Variants in PRX observed in about 807,000 individuals in gnomAD.
The protein encoded by PRX is periaxin.
A neutral mutation model predicts 29.6 loss-of-function variants in PRX; 24 were observed. That is an observed-to-expected ratio of 0.81 (90% CI 0.59 to 1.14). The LOEUF is 1.14. Ranked by LOEUF, PRX falls within the 50% of genes most tolerant of loss-of-function variation. The pLI, the probability that PRX is intolerant of heterozygous loss-of-function variation, is 0.00. For synonymous variants in PRX, 772 were observed against 831.7 expected, an observed-to-expected ratio of 0.93 and a Z score of 1.24; for missense variants, 1,838 against 1,926.4, an observed-to-expected ratio of 0.95 and a Z score of 0.86.
In PRX at chr19:40,395,827, T is replaced by G. The variant is rs1291052355; in HGVS notation, c.2525A>C (p.Asp842Ala). ...GGGGACACCCACATGAGCCTCACCA[T>G]CCACCTCTGGCTGCAGACAGGGAAG... Reference protein sequence around the residue: ...VTLPCLQPEVDGEAHVGVPSL... With the variant: ...VTLPCLQPEVAGEAHVGVPSL... The change falls in exon 7 of 7, where the codon GAT (aspartate) becomes GCT (alanine). Residue 842 changes from aspartate (D) to alanine (A), a missense_variant. By Grantham distance (126) the Asp-to-Ala change is moderately radical. Transcript: ENST00000324001. 2 of 1,614,154 alleles carry G rather than the reference T, an allele frequency of 1.2e-6. No homozygotes were observed. Among genetic ancestry groups the G allele is most frequent in the Non-Finnish European group, 1.7e-6 (2 of 1,180,038 alleles).
At chr19:40,405,575 C>A (rs1035584461) in intron 4 of PRX, among the ~76,000 whole-genome samples, 1 of 150,704 alleles carries the variant, frequency 6.6e-6, no homozygotes, top group Non-Finnish European at 1.5e-5. Context: ...ACCACCAGTA[C>A]CGCCCTTTGG....
chr19:40,409,172 A>G (rs1421855511), intron 1 of PRX, among the ~76,000 whole-genome samples: 1 of 151,754 alleles, frequency 6.6e-6, no homozygotes, highest in Admixed American at 6.6e-5. Flanking sequence ...AATTTTTTAA[A>G]TTAATTTGTA....
upstream of PRX, among the ~76,000 whole-genome samples, chr19:40,413,654 C>T (rs1484101298): frequency 6.6e-6 from 1 of 152,186 alleles, no homozygotes; most frequent in Non-Finnish European, 1.5e-5. Flanking sequence ...GACCCCACCC[C>T]AGCCCCACTG....
intron 5 of PRX, among the ~76,000 whole-genome samples, chr19:40,400,663 T>C (rs2079488577): frequency 7.2e-6 from 1 of 138,730 alleles, no homozygotes; most frequent in South Asian, 2.3e-4. Flanking sequence ...ACTGGTGCAA[T>C]GACAAATCAC....
At position 40,397,659 on chromosome 19, in the gene PRX, G is replaced by A; in HGVS notation, c.693C>T (p.Ala231=). The part of the protein sequence containing the change: ...AEVAAGARFT[A]PQVELVGPRL... ...GCGGCCCAACCAGCTCCACCTGAGG[G>A]GCTGTGAAACGAGCTCCTGCAGCCA... Residue 231 remains alanine (A), a synonymous_variant, in exon 7 of 7, where the codon GCC becomes GCT. Transcript: ENST00000324001. 6.4e-7 allele frequency: 1 copy of A among 1,551,280 alleles called. No individual in the cohort carries two copies. Among genetic ancestry groups the A allele is most frequent in the Admixed American group, 1.9e-5 (1 of 52,222 alleles).
rs774342330 is a variant in PRX at position 40,396,216 on chromosome 19, G to C, written c.2136C>G (p.Pro712=). 7 of 1,602,238 alleles carry C rather than the reference G, an allele frequency of 4.4e-6. No homozygotes were observed. The highest frequency in any genetic ancestry group is 5.1e-6 in the Non-Finnish European group (6 of 1,176,128). ...CAGGGACTTTCATTTCACAGACTTT[G>C]GGCAGCTGCACCTCTGGGAGGTGCA... is the stretch of plus-strand genomic sequence containing the variant. ...PDVHLPEVQL[P]KVCEMKVPDM... is the part of the protein sequence containing the mutation. Residue 712 remains proline, a synonymous_variant, in exon 7 of 7, where the codon CCC becomes CCG. Coordinates refer to ENST00000324001, the MANE Select transcript of PRX (RefSeq NM_181882.3).
Position 40,397,941 on chromosome 19 carries a change from C to T in PRX, c.411G>A (p.Lys137=). ...LNIQSLSPVK[K]KKMVPGALGV... ...CCAGAGCCCCAGGCACCATCTTCTTCTTCTTCACAGGGGACAGACTCTGGA... is the reference window on the plus strand; with the variant it reads ...CCAGAGCCCCAGGCACCATCTTCTTTTTCTTCACAGGGGACAGACTCTGGA... Residue 137 remains lysine, a synonymous_variant, in exon 7 of 7, where the codon AAG becomes AAA. Transcript: ENST00000324001. 2 of 1,612,366 alleles carry T rather than the reference C, an allele frequency of 1.2e-6. No individual in the cohort carries two copies. The highest frequency in any genetic ancestry group is 2.2e-5 in the East Asian group (1 of 44,878).
At position 40,397,866 on chromosome 19, in the gene PRX, C is replaced by T. The variant is rs2079457857; in HGVS notation, c.486G>A (p.Lys162=). 2 of 1,608,550 alleles carry T rather than the reference C, an allele frequency of 1.2e-6. No homozygotes were observed. Among genetic ancestry groups the T allele is most frequent in the Non-Finnish European group, 1.7e-6 (2 of 1,177,856 alleles). ...APVDVEFSFP[K]FSRLRRGLKA... ...TGAGGCCCCGACGCAGGCGGGAGAA[C>T]TTGGGAAAGGAGAACTCGACGTCAA... The change falls in exon 7 of 7, where the codon AAG becomes AAA. Residue 162 remains lysine (K), a synonymous_variant. Transcript: ENST00000324001.
chr19:40,410,207 TC>T (rs1319613242), intron 1 of PRX, among the ~76,000 whole-genome samples: 2 of 151,940 alleles, frequency 1.3e-5, no homozygotes, highest in Non-Finnish European at 2.9e-5. Context: ...GAATACTCTC[TC>T]CCCCAACCCC....
chr19:40,408,955 C>T (rs1352547163), intron 1 of PRX, among the ~76,000 whole-genome samples: 6 of 152,034 alleles, frequency 3.9e-5, no homozygotes, highest in South Asian at 2.1e-4. Flanking sequence ...CTCAGCCTCC[C>T]GAGTAGTTGG....
Position 40,393,974 on chromosome 19 carries a change from C to T in PRX, c.4378G>A (p.Ala1460Thr). The change falls in exon 7 of 7, where the codon GCT becomes ACT. Residue 1460 changes from alanine (A) to threonine (T), a missense_variant. Physicochemically the swap from Ala to Thr is moderately conservative, Grantham distance 58. This residue lies in a region of PRX where 1,143 missense variants were observed against 1,193.0 expected (regional missense o/e 0.96). Transcript: ENST00000324001. ...PARMEGAQAA[A>T]V ...CCATCTGACTAGGGGCTTCAGACAG[C>T]CGCAGCCTGAGCCCCCTCCATCCTG... The T allele has an allele frequency of 1.9e-6, 3 of 1,612,366 alleles. No individual in the cohort carries two copies. Among genetic ancestry groups the T allele is most frequent in the Non-Finnish European group, 1.7e-6 (2 of 1,179,798 alleles).
Position 40,398,788 on chromosome 19 carries a change from G to A in PRX, c.213C>T (p.Phe71=). 6.2e-7 allele frequency: 1 copy of A among 1,614,074 alleles called. No homozygotes were observed. Among genetic ancestry groups the A allele is most frequent in the Non-Finnish European group, 8.5e-7 (1 of 1,179,952 alleles). Residue 71 remains phenylalanine (F), a synonymous_variant, in exon 6 of 7, where the codon TTC becomes TTT. Transcript: ENST00000324001. The surrounding 1 kb of genome is among the most constrained non-coding windows in gnomAD (Gnocchi z 6.3). ...EGDQLLSARV[F]FENFKYEDAL... is the part of the protein sequence containing the mutation. Reference sequence around the variant, plus strand: ...CGTCCTCGTACTTGAAGTTCTCGAAGAACACTCGGGCACTCAGCAGCTGGT... The same window carrying A: ...CGTCCTCGTACTTGAAGTTCTCGAAAAACACTCGGGCACTCAGCAGCTGGT...
intron 5 of PRX, among the ~76,000 whole-genome samples, chr19:40,402,223 G>A (rs976685240): frequency 6.6e-5 from 10 of 151,616 alleles, no homozygotes; most frequent in Non-Finnish European, 1.2e-4. Flanking sequence ...GCATGGTGGC[G>A]GGTGCCTGTA....
At position 40,397,231 on chromosome 19, in the gene PRX, T is replaced by C. The variant is rs1038066073; in HGVS notation, c.1121A>G (p.Glu374Gly). 11 of 1,613,762 alleles carry C rather than the reference T, an allele frequency of 6.8e-6. No homozygotes were observed. Among genetic ancestry groups the C allele is most frequent in the Non-Finnish European group, 9.3e-6 (11 of 1,180,026 alleles). Reference protein sequence around the residue: ...RFGARAKEVAEAKVAKVSPEA... With the variant: ...RFGARAKEVAGAKVAKVSPEA... ...AGGGCTGACCTTGGCTACCTTGGCC[T>C]CAGCAACTTCCTTTGCTCGAGCCCC... is the stretch of plus-strand genomic sequence containing the variant. The change falls in exon 7 of 7, where the codon GAG (glutamate) becomes GGG (glycine). Residue 374 changes from glutamate (E) to glycine (G), a missense_variant. Glu to Gly is a moderately conservative substitution (Grantham distance 98). This residue lies in a region of PRX where 666 missense variants were observed against 665.0 expected (regional missense o/e 1.00). Transcript: ENST00000324001.
rs111252437 is a variant in PRX at position 40,396,109 on chromosome 19, G to C, written c.2243C>G (p.Pro748Arg). ...PDVHLPEVQL[P>R]KVSEIRLPEM... is the part of the protein sequence containing the mutation. ...CGGCAGCCGAATCTCTGACACTTTC[G>C]GCAGCTGCACCTCGGGGAGGTGCAC... Residue 748 changes from proline (P) to arginine (R), a missense_variant, in exon 7 of 7, where the codon CCG becomes CGG. Around this residue, in one of 3 missense-constraint regions of PRX, gnomAD observed 1,143 missense variants for 1,193.0 expected, o/e 0.96. Transcript: ENST00000324001. 7.4e-6 allele frequency: 12 copies of C among 1,614,122 alleles called. No individual in the cohort carries two copies. Among genetic ancestry groups the C allele is most frequent in the Middle Eastern group, 1.6e-4 (1 of 6,062 alleles).
Position 40,403,831 on chromosome 19 carries a change from A to G in PRX, c.59T>C (p.Ile20Thr), listed in dbSNP as rs767446213. The change falls in exon 5 of 7, where the codon ATC becomes ACC. Residue 20 changes from isoleucine to threonine, a missense_variant. By Grantham distance (89) the Ile-to-Thr change is moderately conservative (BLOSUM62 -1). Transcript: ENST00000324001. ...ELRRAELVEI[I>T]VETEAQTGVS... ...CCCGGTCTGCGCCTCCGTCTCCACG[A>G]TAATTTCCACCAACTCCGCCCGCCT... 2.5e-6 allele frequency: 4 copies of G among 1,606,106 alleles called. No individual in the cohort carries two copies. The highest frequency in any genetic ancestry group is 2.7e-5 in the African/African-American group (2 of 74,788).
rs1349243121 is a variant in PRX at position 40,395,074 on chromosome 19, T to C, written c.3278A>G (p.Gln1093Arg). The C allele has an allele frequency of 3.1e-6, 5 of 1,613,230 alleles. No homozygotes were observed. Among genetic ancestry groups the C allele is most frequent in the Admixed American group, 1.7e-5 (1 of 59,996 alleles). ...PGEKAESTAV[Q>R]LKIPEVELVT... ...CAGCTCCACCTCGGGGATCTTAAGC[T>C]GCACAGCGGTGGACTCAGCCTTTTC... The change falls in exon 7 of 7, where the codon CAG (glutamine) becomes CGG (arginine). Residue 1093 changes from glutamine to arginine, a missense_variant. Coordinates refer to ENST00000324001, the MANE Select transcript of PRX (RefSeq NM_181882.3).
intron 4 of PRX, 52 bp from the exon 5 acceptor site, chr19:40,403,914 C>A: frequency 6.3e-7 from 1 of 1,578,540 alleles, no homozygotes; most frequent in Non-Finnish European, 8.6e-7. Context: ...GGACCTCGCC[C>A]AGAGCCCGCC....
chr19:40,398,476 G>A lies in PRX; in HGVS notation c.381+144C>T. 6.5e-7 allele frequency: 1 copy of A among 1,537,328 alleles called. No homozygotes were observed. The highest frequency in any genetic ancestry group is 8.7e-7 in the Non-Finnish European group (1 of 1,145,386). The stretch of plus-strand genomic sequence containing the variant: ...CCCGGGGAAGAGTTTGGGGCAGAGA[G>A]GAAGGGGCAGAGGGTGGAATTAGCT... On this transcript the variant is annotated intron_variant, in intron 6 of 6. Coordinates refer to ENST00000324001, the MANE Select transcript of PRX (RefSeq NM_181882.3). This position sits in a 1 kb window ranked among gnomAD's most constrained non-coding sequence, Gnocchi z 6.3.
Sources: gnomAD v4.1 joint callset for allele counts (sites outside exome capture counted in the v4.1 genomes callset) on GRCh38, gnomAD v4.1.1 for gene constraint, gnomAD v4.1.1 regional missense constraint, Gnocchi (gnomAD v3.1) non-coding constraint, MANE v1.5 for transcripts, NCBI Gene and HGNC (gene_info 2026-07-23, HGNC 2026-07-21) for gene names.